Variants in SLC22A25 observed in about 807,000 individuals in gnomAD.
SLC22A25 encodes the protein solute carrier family 22 member 25.
A neutral mutation model predicts 45.9 loss-of-function variants in SLC22A25; 44 were observed. That is an observed-to-expected ratio of 0.96 (90% CI 0.75 to 1.23). The LOEUF is 1.23. Among genes scored for constraint, SLC22A25 ranks in the 50% most tolerant of loss-of-function variants. The probability of loss-of-function intolerance (pLI) is 0.00; values close to 1 mark genes in which losing one functional copy is unlikely to be tolerated. For synonymous variants in SLC22A25, 283 were observed against 238.6 expected (o/e 1.19, Z -1.72); for missense variants, 800 against 666.4 (o/e 1.20, Z -2.21).
At chr11:63,241,748 C>T (rs1392136766) in intron 1 of SLC22A25, among the ~76,000 whole-genome samples, 1 of 152,156 alleles carries the variant, frequency 6.6e-6, no homozygotes, top group Non-Finnish European at 1.5e-5. Flanking sequence ...AGGCTATTTT[C>T]TTCTGTCATC....
intron 5 of SLC22A25, among the ~76,000 whole-genome samples, chr11:63,220,275 T>C (rs2089823729): frequency 6.6e-6 from 1 of 152,184 alleles, no homozygotes; most frequent in African/African-American, 2.4e-5. Context: ...CTTGGAACTA[T>C]GATCTAATGA....
intron 7 of SLC22A25, among the ~76,000 whole-genome samples, chr11:63,206,861 T>G (rs1387452093): frequency 6.6e-6 from 1 of 152,198 alleles, no homozygotes; most frequent in East Asian, 1.9e-4. Context: ...GGAGGCATCA[T>G]GTTACCTGAC....
chr11:63,166,063 G>T lies in SLC22A25; in HGVS notation c.1266C>A (p.Ala422=), dbSNP rs116464608. The T allele has an allele frequency of 3.1e-4, 502 of 1,613,878 alleles. 1 individual carries two copies. The African/African-American group carries it at 5.8e-3, about 19-fold the overall frequency. The part of the protein sequence containing the change: ...LMFLLATCLL[A]IIFVPQEMQT... The stretch of plus-strand genomic sequence containing the variant: ...TCTCACCTTGAGGCACAAATATGAT[G>T]GCCAGAAGGCAGGTTGCCAGTAGGA... The change falls in exon 10 of 12, where the codon GCC becomes GCA. Residue 422 remains alanine, a synonymous_variant. Transcript: ENST00000306494.
At chr11:63,172,672 T>A (rs529538827) in intron 9 of SLC22A25, among the ~76,000 whole-genome samples, 5,286 of 109,156 alleles carry the variant, frequency 0.048, 123 homozygotes, top group Non-Finnish European at 0.072. Flanking sequence ...TTTTTTTTTT[T>A]AACCTGGTGG....
At chr11:63,180,846 A>ATCTGTTGGTTG in intron 8 of SLC22A25, 71 bp from the exon 9 acceptor site, 1 of 1,065,904 alleles carries the variant, frequency 9.4e-7, no homozygotes, top group Non-Finnish European at 1.4e-6. Flanking sequence ...AGGACTTGTC[A>ATCTGTTGGTTG]ACCAACAGAT....
chr11:63,223,054 C>G (rs2089886846), intron 5 of SLC22A25, among the ~76,000 whole-genome samples: 1 of 151,938 alleles, frequency 6.6e-6, no homozygotes, highest in Non-Finnish European at 1.5e-5. Context: ...ATTTTTTCAT[C>G]AATGTTCTTC....
rs1590925846 is a variant in SLC22A25, at chr11:63,237,962, T to C, written c.-526A>G. On this transcript the variant is annotated 5_prime_UTR_variant, in exon 3 of 12. Transcript: ENST00000306494. The stretch of plus-strand genomic sequence containing the variant: ...ATGCCTTTCACCACCACTCCATGAA[T>C]AAGAATGTAGCCACTAAATTCAGTG... 1 of 152,424 alleles carries C rather than the reference T, an allele frequency of 6.6e-6. No individual in the cohort carries two copies. Among genetic ancestry groups the C allele is most frequent in the Non-Finnish European group, 1.5e-5 (1 of 68,026 alleles). The allele number at this position is 152,424 out of a possible 1,614,324, so 9.4% of individuals were successfully genotyped here.
intron 9 of SLC22A25, among the ~76,000 whole-genome samples, chr11:63,168,616 GA>G (rs765388831): frequency 6.6e-6 from 1 of 152,194 alleles, no homozygotes; most frequent in East Asian, 1.9e-4. Flanking sequence ...AAAGACTAGA[GA>G]AAAAAGAATA....
intron 3 of SLC22A25, among the ~76,000 whole-genome samples, chr11:63,237,541 A>C (rs1193893): frequency 0.51 from 77,832 of 151,992 alleles, 20,855 homozygotes; most frequent in African/African-American, 0.67. Flanking sequence ...GCCTCCATAA[A>C]CATGAACCAA....
In SLC22A25 at chr11:63,180,947, TAG is replaced by T. The variant is rs2088298515; in HGVS notation, c.955-174_955-173del. Reference sequence around the variant, plus strand: ...TATAAAAGTGGTATGGAAGTTAGAATAGAGAGTTAAAGAAGCCTCAGAGAAAT... The same window carrying T: ...TATAAAAGTGGTATGGAAGTTAGAATAGAGTTAAAGAAGCCTCAGAGAAAT... On this transcript the variant is annotated intron_variant, in intron 8 of 11. Coordinates refer to ENST00000306494, the MANE Select transcript of SLC22A25 (RefSeq NM_199352.6). Among the ~76,000 whole-genome samples the T allele has an allele frequency of 5.3e-5, 8 of 152,140 alleles. No individual in the cohort carries two copies. In the South Asian group the frequency reaches 1.7e-3, roughly 32 times the overall value.
rs1952013778 is a variant in SLC22A25, at chr11:63,162,560, T to C, written c.*1264A>G. On this transcript the variant is annotated 3_prime_UTR_variant, in exon 12 of 12. Transcript: ENST00000306494. ...AAATGAGGTTTTTCCACTTTTTTCA[T>C]TTTTTACATTGTAATTATTTAAGCA... Among the ~76,000 whole-genome samples the C allele has an allele frequency of 6.6e-6, 1 of 152,156 alleles. No individual in the cohort carries two copies. Among genetic ancestry groups the C allele is most frequent in the Admixed American group, 6.5e-5 (1 of 15,270 alleles).
At position 63,226,462 on chromosome 11, in the gene SLC22A25, C is replaced by G. The variant is rs544089004; in HGVS notation, c.506+1999G>C. Among the ~76,000 whole-genome samples the G allele has an allele frequency of 7.9e-5, 12 of 152,268 alleles. No homozygotes were observed. In the South Asian group the frequency reaches 2.3e-3, roughly 29 times the overall value. On this transcript the variant is annotated intron_variant, in intron 5 of 11. Transcript: ENST00000306494. Reference sequence around the variant, plus strand: ...TTATTTGGACCAGCAGGCAGAGACTCTTGTTTTTTTTCTTTATTTTCTCCC... The same window carrying G: ...TTATTTGGACCAGCAGGCAGAGACTGTTGTTTTTTTTCTTTATTTTCTCCC...
intron 7 of SLC22A25, among the ~76,000 whole-genome samples, chr11:63,210,050 A>G (rs2089515915): frequency 6.6e-6 from 1 of 152,250 alleles, no homozygotes; most frequent in South Asian, 2.1e-4. Flanking sequence ...AAGTGTGCCA[A>G]AAGCCTGACA....
At chr11:63,210,422 G>A (rs886778024) in intron 7 of SLC22A25, among the ~76,000 whole-genome samples, 1 of 152,188 alleles carries the variant, frequency 6.6e-6, no homozygotes, top group Non-Finnish European at 1.5e-5. Flanking sequence ...ACCAGGAGAG[G>A]AAGGCCAGTC....
chr11:63,197,083 C>G (rs1590844859), intron 7 of SLC22A25, among the ~76,000 whole-genome samples: 1 of 152,192 alleles, frequency 6.6e-6, no homozygotes, highest in Middle Eastern at 3.4e-3. Flanking sequence ...GAACTACAAA[C>G]CACTACTCAA....
At chr11:63,193,417 G>GC (rs1221728376) in intron 7 of SLC22A25, among the ~76,000 whole-genome samples, 1 of 152,190 alleles carries the variant, frequency 6.6e-6, no homozygotes, top group African/African-American at 2.4e-5. Context: ...ACAACTGGGT[G>GC]CCCCCCTGAG....
intron 5 of SLC22A25, chr11:63,220,120 G>A (rs775701822): frequency 8.5e-6 from 7 of 822,194 alleles, no homozygotes; most frequent in African/African-American, 3.5e-5. Flanking sequence ...ACCTTTTGTT[G>A]TAAGGTAGAG....
At chr11:63,240,248 G>A (rs1465711558) in intron 1 of SLC22A25, among the ~76,000 whole-genome samples, 1 of 152,178 alleles carries the variant, frequency 6.6e-6, no homozygotes, top group Non-Finnish European at 1.5e-5. Flanking sequence ...CATGGATCTT[G>A]CAGTACTGGA....
chr11:63,179,520 C>CTT (rs778284886), intron 9 of SLC22A25, among the ~76,000 whole-genome samples: 6 of 152,042 alleles, frequency 3.9e-5, no homozygotes, highest in Non-Finnish European at 8.8e-5. Context: ...TTCCTGGTTT[C>CTT]TGTTTTTCAG....
Sources: allele counts gnomAD v4.1 joint callset (sites outside exome capture counted in the v4.1 genomes callset), GRCh38; gene constraint gnomAD v4.1.1; transcripts MANE v1.5; gene names NCBI Gene and HGNC (gene_info 2026-07-23, HGNC 2026-07-21).